Variants in SEMA3G observed in about 807,000 individuals in gnomAD.
The protein encoded by SEMA3G is semaphorin 3G, also known as semaphorin-3G.
A neutral mutation model predicts 86.2 loss-of-function variants in SEMA3G; 70 were observed. The observed-to-expected ratio is 0.81, with a 90% CI of 0.67 to 0.99. The LOEUF (loss-of-function observed/expected upper bound fraction) is 0.99, where lower values mean the gene tolerates loss of function less well. Among genes scored for constraint, SEMA3G ranks in the 50% least tolerant of loss-of-function variants. The pLI is 0.00. For synonymous variants in SEMA3G, 416 were observed against 441.4 expected (o/e 0.94, Z 0.72); for missense variants, 1,002 against 1,072.4 (o/e 0.93, Z 0.92).
intron 12 of SEMA3G, 136 bp downstream of exon 12, chr3:52,439,544 C>T: frequency 1.4e-6 from 1 of 700,354 alleles, no homozygotes; most frequent in Non-Finnish European, 2.5e-6. Context: ...TCTGCATCCC[C>T]TCCCCAGCAT....
At chr3:52,438,769 C>A in intron 13 of SEMA3G, 151 bp downstream of exon 13, 1 of 1,478,064 alleles carries the variant, frequency 6.8e-7, no homozygotes, top group Admixed American at 2.5e-5. Flanking sequence ...GCCCACTGGC[C>A]ACTTGTTGCA....
intron 6 of SEMA3G, 74 bp from the exon 7 acceptor site, chr3:52,441,483 A>T (rs1014740673): frequency 6.3e-7 from 1 of 1,587,958 alleles, no homozygotes; most frequent in Non-Finnish European, 8.6e-7. Context: ...CAGTGGGGAG[A>T]GGAATGGGGC....
At chr3:52,444,152 C>T (rs143850471) in intron 1 of SEMA3G, among the ~76,000 whole-genome samples, 36 of 152,316 alleles carry the variant, frequency 2.4e-4, no homozygotes, top group Non-Finnish European at 4.1e-4. Flanking sequence ...CCTGCTCTCC[C>T]GTTGGCCACC....
At position 52,440,093 on chromosome 3, in the gene SEMA3G, G is replaced by C; in HGVS notation, c.1149C>G (p.Pro383=). The C allele has an allele frequency of 6.3e-7, 1 of 1,576,274 alleles. No homozygotes were observed. Among genetic ancestry groups the C allele is most frequent in the Non-Finnish European group, 8.6e-7 (1 of 1,156,196 alleles). ...KVPFPRPGVC[P]SKMTAQPGRP... Reference sequence around the variant, plus strand: ...GTCCTGGCTGTGCGGTCATCTTGCTGGGGCACTGTGGGCAGCAGGGAAGGG... The same window carrying C: ...GTCCTGGCTGTGCGGTCATCTTGCTCGGGCACTGTGGGCAGCAGGGAAGGG... The change falls in exon 11 of 16, where the codon CCC becomes CCG. Residue 383 remains proline (P), a synonymous_variant. Coordinates refer to ENST00000231721, the MANE Select transcript of SEMA3G (RefSeq NM_020163.3).
chr3:52,442,478 A>C lies in SEMA3G; in HGVS notation c.339+81T>G. On this transcript the variant is annotated intron_variant, in intron 3 of 15. Transcript: ENST00000231721. The surrounding 1 kb of genome is among the most constrained non-coding windows in gnomAD (Gnocchi z 6.1). ...TGCTCCAAATGCCCCTGGTAGAGGT[A>C]CCTGGGGCGTGGTCACGGATTGTCC... The C allele has an allele frequency of 6.6e-7, 1 of 1,516,114 alleles. No homozygotes were observed. Among genetic ancestry groups the C allele is most frequent in the Non-Finnish European group, 9.2e-7 (1 of 1,092,880 alleles). 93.9% of individuals were successfully genotyped at this position (1,516,114 alleles called of 1,614,324 possible).
rs895421883 is a variant in SEMA3G, at chr3:52,437,984, G to T, written c.1725C>A (p.Gly575=). 6.2e-7 allele frequency: 1 copy of T among 1,612,132 alleles called. No homozygotes were observed. Among genetic ancestry groups the T allele is most frequent in the African/African-American group, 1.3e-5 (1 of 74,942 alleles). ...RHGNPALQCL[G]QSQEEEAVGL... ...GCCACCACTCACCTTCCTGGCTCTG[G>T]CCCAGGCACTGCAGGGCAGGGTTGC... The change falls in exon 14 of 16, where the codon GGC becomes GGA. Residue 575 remains glycine (G), a synonymous_variant. Transcript: ENST00000231721.
intron 12 of SEMA3G, among the ~76,000 whole-genome samples, chr3:52,439,358 C>G (rs117185612): frequency 6.6e-6 from 1 of 152,090 alleles, no homozygotes; most frequent in South Asian, 2.1e-4. Context: ...CAACCATCTC[C>G]TCCTTGCAAC....
chr3:52,442,629 A>C lies in SEMA3G; in HGVS notation c.277-8T>G. On this transcript the variant is annotated splice_region_variant and splice_polypyrimidine_tract_variant and intron_variant, in intron 2 of 15. Transcript: ENST00000231721. This position sits in a 1 kb window ranked among gnomAD's most constrained non-coding sequence, Gnocchi z 6.1. ...CTGCGGTGGCCACAGGACCTGGAACACAGCCCCGCTGACCTCAGGTCCTCC... is the reference window on the plus strand; with the variant it reads ...CTGCGGTGGCCACAGGACCTGGAACCCAGCCCCGCTGACCTCAGGTCCTCC... 1.2e-6 allele frequency: 2 copies of C among 1,614,056 alleles called. No homozygotes were observed. Among genetic ancestry groups the C allele is most frequent in the Non-Finnish European group, 1.7e-6 (2 of 1,179,982 alleles).
rs765835594 is a variant in SEMA3G at position 52,442,882 on chromosome 3, G to C, written c.141C>G (p.Ala47=). ...YRDLLSANRS[A]IFLGPQGSLN... is the part of the protein sequence containing the mutation. ...GGGAGCCCTGGGGGCCCAGAAAGAT[G>C]GCAGAGCGGTTGGCAGACAGGAGGT... The change falls in exon 2 of 16, where the codon GCC becomes GCG. Residue 47 remains alanine (A), a synonymous_variant. Transcript: ENST00000231721. The surrounding 1 kb of genome is among the most constrained non-coding windows in gnomAD (Gnocchi z 6.1). 6.2e-7 allele frequency: 1 copy of C among 1,605,200 alleles called. No individual in the cohort carries two copies.
intron 12 of SEMA3G, 59 bp downstream of exon 12, chr3:52,439,621 G>T: frequency 2.1e-6 from 3 of 1,430,626 alleles, no homozygotes; most frequent in Non-Finnish European, 3.0e-6. Flanking sequence ...CATCCCTGTA[G>T]CCAGGCTCAG....
chr3:52,442,894 G>A lies in SEMA3G; in HGVS notation c.129C>T (p.Ala43=), dbSNP rs1474382215. The A allele has an allele frequency of 6.3e-7, 1 of 1,598,986 alleles. No homozygotes were observed. The highest frequency in any genetic ancestry group is 8.5e-7 in the Non-Finnish European group (1 of 1,172,660). ...GGCCCAGAAAGATGGCAGAGCGGTT[G>A]GCAGACAGGAGGTCTAGGAGGATGT... ...LRLSYRDLLS[A]NRSAIFLGPQ... Residue 43 remains alanine, a synonymous_variant, in exon 2 of 16, where the codon GCC becomes GCT. Coordinates refer to ENST00000231721, the MANE Select transcript of SEMA3G (RefSeq NM_020163.3). This position sits in a 1 kb window ranked among gnomAD's most constrained non-coding sequence, Gnocchi z 6.1.
intron 12 of SEMA3G, 81 bp downstream of exon 12, chr3:52,439,599 G>T: frequency 1.7e-6 from 2 of 1,165,096 alleles, no homozygotes; most frequent in Non-Finnish European, 2.6e-6. Flanking sequence ...CTCCCTACTG[G>T]GCTTGCTCCT....
chr3:52,437,409 T>G, intron 15 of SEMA3G, 118 bp downstream of exon 15: 1 of 1,179,150 alleles, frequency 8.5e-7, no homozygotes, highest in East Asian at 2.4e-5. Context: ...AAACTTTTTT[T>G]AGGTTAATCT....
In SEMA3G at chr3:52,435,434, G is replaced by T. The variant is rs764469098; in HGVS notation, c.*169C>A. 3.0e-6 allele frequency: 2 copies of T among 665,336 alleles called. No individual in the cohort carries two copies. The highest frequency in any genetic ancestry group is 5.1e-6 in the Non-Finnish European group (2 of 393,636). The allele number at this position is 665,336 out of a possible 1,614,324, so 41.2% of individuals were successfully genotyped here. A position where few individuals can be genotyped will look rare whatever the true frequency, so the allele number is the denominator to read the frequency against. On this transcript the variant is annotated 3_prime_UTR_variant, in exon 16 of 16. Transcript: ENST00000231721. ...GAGAAGGGCAGGGAACAGGCTTCAA[G>T]AACCCAGCCCCTCCATTAGACCCCA... is the stretch of plus-strand genomic sequence containing the variant.
chr3:52,442,653 C>T lies in SEMA3G; in HGVS notation c.277-32G>A. On this transcript the variant is annotated intron_variant, in intron 2 of 15. Transcript: ENST00000231721. This position sits in a 1 kb window ranked among gnomAD's most constrained non-coding sequence, Gnocchi z 6.1. ...CACAGCCCCGCTGACCTCAGGTCCT[C>T]CCCTGATCTCACAGGCTCAGTTTCC... 6.2e-7 allele frequency: 1 copy of T among 1,613,992 alleles called. No homozygotes were observed. The highest frequency in any genetic ancestry group is 8.5e-7 in the Non-Finnish European group (1 of 1,179,914).
In SEMA3G at chr3:52,439,954, T is replaced by C. The variant is rs752459477; in HGVS notation, c.1288A>G (p.Thr430Ala). ...PRHGRPVLVK[T>A]HLAQQLHQIV... ...TGGTGTAGCTGCTGGGCCAGGTGGGTCTTGACAAGGACAGGGCGGCCATGT... is the reference window on the plus strand; with the variant it reads ...TGGTGTAGCTGCTGGGCCAGGTGGGCCTTGACAAGGACAGGGCGGCCATGT... Residue 430 changes from threonine (T) to alanine (A), a missense_variant, in exon 11 of 16, where the codon ACC becomes GCC. By Grantham distance (58) the Thr-to-Ala change is moderately conservative (BLOSUM62 0). Coordinates refer to ENST00000231721, the MANE Select transcript of SEMA3G (RefSeq NM_020163.3). The C allele has an allele frequency of 1.9e-6, 3 of 1,613,706 alleles. No individual in the cohort carries two copies. The Admixed American group carries it at 5.0e-5, about 27-fold the overall frequency.
rs1167283523 is a variant in SEMA3G, at chr3:52,442,558, C to T, written c.339+1G>A. The stretch of plus-strand genomic sequence containing the variant: ...GGACCATCCCTCCCGACAGCACTCA[C>T]CAAAGGATCTCTTCCCTTTCGAACA... On this transcript the variant is annotated splice_donor_variant, in intron 3 of 15. Coordinates refer to ENST00000231721, the MANE Select transcript of SEMA3G (RefSeq NM_020163.3). LOFTEE classifies it high-confidence loss of function. This position sits in a 1 kb window ranked among gnomAD's most constrained non-coding sequence, Gnocchi z 6.1. 1 of 1,614,106 alleles carries T rather than the reference C, an allele frequency of 6.2e-7. No individual in the cohort carries two copies. Among genetic ancestry groups the T allele is most frequent in the South Asian group, 1.1e-5 (1 of 91,082 alleles).
intron 15 of SEMA3G, 65 bp downstream of exon 15, chr3:52,437,462 G>A (rs923246266): frequency 4.0e-6 from 6 of 1,502,104 alleles, no homozygotes; most frequent in Non-Finnish European, 5.4e-6. Flanking sequence ...CTCAGGTCTT[G>A]GGGTTCAGGA....
intron 9 of SEMA3G, 97 bp from the exon 10 acceptor site, chr3:52,440,618 G>A: frequency 6.8e-7 from 1 of 1,479,192 alleles, no homozygotes; most frequent in Non-Finnish European, 9.2e-7. Context: ...GACAGTGCCT[G>A]CAGCAAGCAG....
Sources: allele counts gnomAD v4.1 joint callset (sites outside exome capture counted in the v4.1 genomes callset), GRCh38; gene constraint gnomAD v4.1.1; non-coding constraint Gnocchi (gnomAD v3.1); transcripts MANE v1.5; gene names NCBI Gene and HGNC (gene_info 2026-07-23, HGNC 2026-07-21).